The following GRIP1 variants were observed in gnomAD, a reference collection of about 807,000 sequenced individuals.
GRIP1 encodes the protein glutamate receptor-interacting protein 1.
In GRIP1, 45 loss-of-function variants were observed where a neutral mutation model predicts 129.9. That is an observed-to-expected ratio of 0.35 (90% confidence interval 0.27 to 0.44). GRIP1 has a LOEUF of 0.44. Ranked by LOEUF, GRIP1 falls within the 20% of genes least tolerant of loss-of-function variation. The pLI, the probability that GRIP1 is intolerant of heterozygous loss-of-function variation, is 1.00. For synonymous variants in GRIP1, 530 were observed against 520.8 expected (o/e 1.02, Z -0.24); for missense variants, 1,196 against 1,396.8 (o/e 0.86, Z 2.29).
intron 1 of GRIP1, among the ~76,000 whole-genome samples, chr12:66,752,235 G>A (rs144849888): frequency 2.0e-5 from 3 of 152,092 alleles, no homozygotes; most frequent in African/African-American, 7.2e-5. Flanking sequence ...ATCATAGCTT[G>A]GAATGAATGA....
chr12:66,971,202 G>C (rs1592409879), intron 1 of GRIP1, among the ~76,000 whole-genome samples: 1 of 152,256 alleles, frequency 6.6e-6, no homozygotes, highest in East Asian at 1.9e-4. Context: ...GTGACTGTCT[G>C]AATGTACCTA....
intron 1 of GRIP1, among the ~76,000 whole-genome samples, chr12:66,755,318 T>C (rs1035190448): frequency 1.3e-5 from 2 of 152,216 alleles, no homozygotes; most frequent in African/African-American, 4.8e-5. Context: ...ACTCACTTTA[T>C]TTTTCCTTCC....
At chr12:66,903,046 G>A (rs2040868348) in intron 1 of GRIP1, among the ~76,000 whole-genome samples, 1 of 151,682 alleles carries the variant, frequency 6.6e-6, no homozygotes, top group Non-Finnish European at 1.5e-5. Flanking sequence ...GCAAGAGAAG[G>A]GTATAGAATT....
intron 2 of GRIP1, among the ~76,000 whole-genome samples, chr12:66,585,420 A>G (rs2063590390): frequency 7.4e-6 from 1 of 135,666 alleles, no homozygotes; most frequent in African/African-American, 2.7e-5. Flanking sequence ...TGTCCCTACA[A>G]AGGACATGAA....
intron 1 of GRIP1, among the ~76,000 whole-genome samples, chr12:66,922,173 T>G (rs1435332530): frequency 3.3e-5 from 5 of 152,112 alleles, no homozygotes. Flanking sequence ...GAAAACCAAT[T>G]AATAAATACA....
Position 66,530,740 on chromosome 12 carries a change from C to A in GRIP1, c.419-826G>T, listed in dbSNP as rs1003492274. On this transcript the variant is annotated intron_variant, in intron 4 of 24. Coordinates refer to ENST00000359742, the MANE Select transcript of GRIP1 (RefSeq NM_001366722.1). ...TATACACCATTTCTGCATAAAAAAA[C>A]CCATAAAACTTCCACAAACTGGTAT... Among the ~76,000 whole-genome samples the A allele has an allele frequency of 4.6e-5, 7 of 151,766 alleles. 1 individual carries two copies. The highest frequency in any genetic ancestry group is 1.2e-4 in the African/African-American group (5 of 41,252).
chr12:66,776,253 G>C lies in GRIP1; in HGVS notation c.-420+27800C>G, dbSNP rs192031088. 5.9e-5 allele frequency among the ~76,000 whole-genome samples: 9 copies of C among 152,216 alleles called. No individual in the cohort carries two copies. The East Asian group carries it at 1.5e-3, about 26-fold the overall frequency. On this transcript the variant is annotated intron_variant, in intron 1 of 4. Coordinates refer to the GRIP1 transcript ENST00000538373. The stretch of plus-strand genomic sequence containing the variant: ...ACTGTATTTACTGTCACCTACATAG[G>C]TATCCAATTCAGTCCTACTCAGGTT...
intron 1 of GRIP1, among the ~76,000 whole-genome samples, chr12:66,694,047 T>C (rs143757572): frequency 7.4e-4 from 113 of 152,296 alleles, no homozygotes; most frequent in African/African-American, 2.6e-3. Context: ...ACGGTACTAT[T>C]ATGAGCATCA....
At chr12:66,414,097 G>A (rs1027103199) in intron 15 of GRIP1, among the ~76,000 whole-genome samples, 1 of 152,002 alleles carries the variant, frequency 6.6e-6, no homozygotes, top group African/African-American at 2.4e-5. Flanking sequence ...GTTCTGACCA[G>A]GGCAATCAGG....
At chr12:66,877,017 C>T (rs1282739512) in intron 1 of GRIP1, among the ~76,000 whole-genome samples, 1 of 152,044 alleles carries the variant, frequency 6.6e-6, no homozygotes, top group African/African-American at 2.4e-5. Flanking sequence ...AATGCAGCCT[C>T]AATATGCATA....
At chr12:67,008,122 G>A (rs943022392) in intron 1 of GRIP1, among the ~76,000 whole-genome samples, 4 of 152,260 alleles carry the variant, frequency 2.6e-5, no homozygotes, top group Admixed American at 2.6e-4. Flanking sequence ...TTTGACAAAT[G>A]ACAGAATACC....
chr12:66,547,538 G>A (rs1355256248), intron 2 of GRIP1, among the ~76,000 whole-genome samples: 1 of 152,130 alleles, frequency 6.6e-6, no homozygotes, highest in Non-Finnish European at 1.5e-5. Flanking sequence ...TCCTGCAACA[G>A]GTAAATGGCT....
intron 1 of GRIP1, among the ~76,000 whole-genome samples, chr12:66,859,276 CAA>C (rs1566054574): frequency 0.032 from 351 of 10,906 alleles, 19 homozygotes; most frequent in Non-Finnish European, 0.091. Flanking sequence ...AACAAAAAAA[CAA>C]AAAAACAAAA....
intron 1 of GRIP1, among the ~76,000 whole-genome samples, chr12:66,909,911 G>A (rs1363958486): frequency 6.6e-6 from 1 of 152,150 alleles, no homozygotes; most frequent in African/African-American, 2.4e-5. Flanking sequence ...GGCCTTTCAT[G>A]CTATTTTGGA....
At chr12:66,600,976 A>G (rs2064250453) in intron 1 of GRIP1, among the ~76,000 whole-genome samples, 1 of 152,156 alleles carries the variant, frequency 6.6e-6, no homozygotes. Flanking sequence ...GGCCCTCCAC[A>G]GGGGCTTACA....
chr12:66,539,059 G>C lies in GRIP1; in HGVS notation c.418+19C>G. The C allele has an allele frequency of 6.2e-7, 1 of 1,608,368 alleles. No individual in the cohort carries two copies. The highest frequency in any genetic ancestry group is 8.5e-7 in the Non-Finnish European group (1 of 1,174,768). On this transcript the variant is annotated intron_variant, in intron 4 of 24. Coordinates refer to ENST00000359742, the MANE Select transcript of GRIP1 (RefSeq NM_001366722.1). Reference sequence around the variant, plus strand: ...CTTGGAATGTATCCCCTATGGATAAGGGGGGCTACTGTACTTACAGACCGG... The same window carrying C: ...CTTGGAATGTATCCCCTATGGATAACGGGGGCTACTGTACTTACAGACCGG...
intron 1 of GRIP1, among the ~76,000 whole-genome samples, chr12:66,894,801 T>C (rs1245995138): frequency 1.3e-5 from 2 of 152,180 alleles, no homozygotes; most frequent in Non-Finnish European, 2.9e-5. Context: ...ATGGCAACTT[T>C]TCCAGTTACT....
chr12:66,518,258 C>A (rs2060902693), intron 5 of GRIP1, among the ~76,000 whole-genome samples: 1 of 152,078 alleles, frequency 6.6e-6, no homozygotes, highest in South Asian at 2.1e-4. Flanking sequence ...CCGATTATAT[C>A]AAGTACTGGC....
chr12:66,630,232 C>G (rs887019320), intron 1 of GRIP1: 3 of 152,096 alleles, frequency 2.0e-5, no homozygotes, highest in African/African-American at 7.3e-5. Flanking sequence ...TACCTGTAAT[C>G]CCAGGTACTT....
Sources: gnomAD v4.1 joint callset for allele counts (sites outside exome capture counted in the v4.1 genomes callset) on GRCh38, gnomAD v4.1.1 for gene constraint, MANE v1.5 for transcripts, NCBI Gene and HGNC (gene_info 2026-07-23, HGNC 2026-07-21) for gene names.